Variants in GALNS observed in about 807,000 individuals in gnomAD.
GALNS encodes N-acetylgalactosamine-6-sulfatase.
Under a neutral mutation model 65.9 loss-of-function variants are expected in GALNS, and 65 were observed. That is an observed-to-expected ratio of 0.99 (90% CI 0.81 to 1.21). The LOEUF is 1.21. Ranked by LOEUF, GALNS falls within the 50% of genes most tolerant of loss-of-function variation. The pLI, the probability that GALNS is intolerant of heterozygous loss-of-function variation, is 0.00. For missense variants in GALNS, 776 were observed against 700.7 expected, an observed-to-expected ratio of 1.11 and a Z score of -1.21; for synonymous variants, 346 against 288.9, an observed-to-expected ratio of 1.20 and a Z score of -2.00.
At position 88,824,879 on chromosome 16, in the gene GALNS, G is replaced by C; in HGVS notation, c.1140-10C>G. The C allele has an allele frequency of 6.2e-7, 1 of 1,611,006 alleles. No homozygotes were observed. The highest frequency in any genetic ancestry group is 1.1e-5 in the South Asian group (1 of 91,038). On this transcript the variant is annotated splice_polypyrimidine_tract_variant and intron_variant, in intron 10 of 13. Coordinates refer to ENST00000268695, the MANE Select transcript of GALNS (RefSeq NM_000512.5). ...GTAATAGAAGATAGGCCTGTGGGAT[G>C]GGAGGGGAGGACCATGTAATGACAG...
intron 5 of GALNS, 104 bp from the exon 6 acceptor site, chr16:88,836,371 T>A (rs1454225331): frequency 1.0e-6 from 1 of 969,734 alleles, no homozygotes; most frequent in Non-Finnish European, 1.6e-6. Context: ...AAAAGAAGGC[T>A]AGGGCTGGGC....
At position 88,856,820 on chromosome 16, in the gene GALNS, C is replaced by T; in HGVS notation, c.58G>A (p.Ala20Thr). 1 of 1,530,558 alleles carries T rather than the reference C, an allele frequency of 6.5e-7. No homozygotes were observed. Among genetic ancestry groups the T allele is most frequent in the Non-Finnish European group, 8.7e-7 (1 of 1,148,644 alleles). 94.8% of individuals were successfully genotyped at this position (1,530,558 alleles called of 1,614,324 possible). A position where few individuals can be genotyped will look rare whatever the true frequency, so the allele number is the denominator to read the frequency against. Reference sequence around the variant, plus strand: ...GGGGCGCCCGAGGCCCCCATCCCCGCGGCGCTGAGCACCAGCAACAGCTGC... The same window carrying T: ...GGGGCGCCCGAGGCCCCCATCCCCGTGGCGCTGAGCACCAGCAACAGCTGC... ...WWQLLLVLSA[A>T]GMGASGAPQP... is the part of the protein sequence containing the mutation. Residue 20 changes from alanine (A) to threonine (T), a missense_variant, in exon 1 of 14, where the codon GCG (alanine) becomes ACG (threonine). Physicochemically the swap from Ala to Thr is moderately conservative, Grantham distance 58. Transcript: ENST00000268695.
chr16:88,841,081 C>T lies in GALNS; in HGVS notation c.333G>A (p.Gln111=), dbSNP rs773931717. Residue 111 remains glutamine, a synonymous_variant, in exon 4 of 14, where the codon CAG becomes CAA. Transcript: ENST00000268695. ...AGTCTGGGATGCCGCCCACAATCTC[C>T]TGCGGTGTGTAGGCTGGAAGAGCAG... is the stretch of plus-strand genomic sequence containing the variant. ...NAHARNAYTP[Q]EIVGGIPDSE... 6.2e-7 allele frequency: 1 copy of T among 1,613,162 alleles called. No homozygotes were observed. Among genetic ancestry groups the T allele is most frequent in the South Asian group, 1.1e-5 (1 of 91,088 alleles).
intron 1 of GALNS, among the ~76,000 whole-genome samples, chr16:88,848,997 C>A (rs1041686938): frequency 3.3e-5 from 5 of 152,348 alleles, no homozygotes; most frequent in African/African-American, 1.2e-4. Context: ...CTTGCCTCAG[C>A]CCCTCCTAAC....
At chr16:88,820,222 G>A (rs1402030390) in intron 12 of GALNS, among the ~76,000 whole-genome samples, 1 of 151,904 alleles carries the variant, frequency 6.6e-6, no homozygotes, top group Non-Finnish European at 1.5e-5. Context: ...TCCGCCTCCT[G>A]GGTTCAAGCA....
chr16:88,818,679 G>T (rs1251842901), intron 12 of GALNS, among the ~76,000 whole-genome samples: 1 of 152,226 alleles, frequency 6.6e-6, no homozygotes, highest in Admixed American at 6.5e-5. Flanking sequence ...TGTCAGGGCC[G>T]CAGTTTGCGA....
chr16:88,815,152 G>A, intron 13 of GALNS: 1 of 985,496 alleles, frequency 1.0e-6, no homozygotes, highest in Non-Finnish European at 1.2e-6. Context: ...AGGAATCATG[G>A]GAACTTGGGA....
Position 88,835,877 on chromosome 16 carries a change from C to CCAGCCT in GALNS, c.634-34_634-29dup, listed in dbSNP as rs769343967. The CCAGCCT allele has an allele frequency of 3.7e-6, 6 of 1,613,548 alleles. No individual in the cohort carries two copies. The South Asian group carries it at 6.6e-5, about 18-fold the overall frequency. ...ATGGAGAGAGCCACACCGTCGTCCTCCAGCCTCAGGCCGACCTCCTCATGC... is the reference window on the plus strand; with the variant it reads ...ATGGAGAGAGCCACACCGTCGTCCTCCAGCCTCAGCCTCAGGCCGACCTCCTCATGC... On this transcript the variant is annotated intron_variant, in intron 6 of 13. Coordinates refer to ENST00000268695, the MANE Select transcript of GALNS (RefSeq NM_000512.5).
intron 5 of GALNS, 133 bp from the exon 6 acceptor site, chr16:88,836,400 A>G: frequency 1.3e-6 from 1 of 770,716 alleles, no homozygotes; most frequent in Non-Finnish European, 2.2e-6. Context: ...TCATGCCTGT[A>G]ATCCCAGCAT....
rs1966948147 is a variant in GALNS, at chr16:88,841,112, G to A, written c.320-18C>T. ...TGTGTAGGCTGGAAGAGCAGCGCTG[G>A]GTGAGCCCCGAGGAGACCCCGAGAA... On this transcript the variant is annotated intron_variant, in intron 3 of 13. Transcript: ENST00000268695. The A allele has an allele frequency of 6.2e-7, 1 of 1,604,080 alleles. No homozygotes were observed. The highest frequency in any genetic ancestry group is 1.3e-5 in the African/African-American group (1 of 74,840).
chr16:88,842,390 C>T (rs1967017881), intron 2 of GALNS: 1 of 525,418 alleles, frequency 1.9e-6, no homozygotes, highest in African/African-American at 1.9e-5. Context: ...CTCCTGCTTC[C>T]CAGGTACCCT....
chr16:88,834,901 G>A (rs1358605066), intron 8 of GALNS, among the ~76,000 whole-genome samples: 1 of 152,200 alleles, frequency 6.6e-6, no homozygotes. Context: ...CGGCCCTGCT[G>A]TTTCCATGCG....
Position 88,826,895 on chromosome 16 carries a change from G to C in GALNS, c.1003-57C>G, listed in dbSNP as rs935832442. On this transcript the variant is annotated intron_variant, in intron 9 of 13. Transcript: ENST00000268695. ...ACTCTGCACCGACCCGATGGGGCTG[G>C]GGGCCAATCCCTGGGGGGGCGTGAG... The C allele has an allele frequency of 1.2e-5, 18 of 1,548,146 alleles. No individual in the cohort carries two copies. The African/African-American group carries it at 2.2e-4, about 19-fold the overall frequency.
At chr16:88,828,288 G>A (rs1178300302) in intron 9 of GALNS, among the ~76,000 whole-genome samples, 1 of 151,840 alleles carries the variant, frequency 6.6e-6, no homozygotes, top group African/African-American at 2.4e-5. Context: ...GCGGGCGGGC[G>A]GGAGTGGTGT....
At chr16:88,826,988 G>A (rs1039078798) in intron 9 of GALNS, 150 bp from the exon 10 acceptor site, 2 of 954,410 alleles carry the variant, frequency 2.1e-6, no homozygotes, top group African/African-American at 3.2e-5. Context: ...GACTGAGCGG[G>A]GTCACAAGGC....
intron 9 of GALNS, among the ~76,000 whole-genome samples, chr16:88,831,132 G>C (rs115496245): frequency 1.3e-5 from 2 of 152,172 alleles, no homozygotes; most frequent in South Asian, 4.1e-4. Flanking sequence ...AGTCCCCACC[G>C]AGAGCCTTCC....
intron 10 of GALNS, among the ~76,000 whole-genome samples, chr16:88,825,638 G>T (rs796871813): frequency 4.6e-5 from 7 of 152,088 alleles, no homozygotes; most frequent in African/African-American, 1.7e-4. Context: ...GGGTGCCTGG[G>T]CGTCCCCTCA....
intron 1 of GALNS, chr16:88,855,308 G>T: frequency 2.9e-6 from 2 of 700,186 alleles, no homozygotes. Context: ...ATCCAGCGAA[G>T]CTATGCTGGC....
chr16:88,835,353 C>G lies in GALNS; in HGVS notation c.759-1G>C. 1 of 1,613,592 alleles carries G rather than the reference C, an allele frequency of 6.2e-7. No individual in the cohort carries two copies. Among genetic ancestry groups the G allele is most frequent in the Non-Finnish European group, 8.5e-7 (1 of 1,179,826 alleles). On this transcript the variant is annotated splice_acceptor_variant, in intron 7 of 13. Transcript: ENST00000268695. LOFTEE classifies it high-confidence loss of function. ...AATCTCCCGGACGGCGTCTCCATAC[C>G]TGCAGGATGGTGACAAAAGGCATCT... is the stretch of plus-strand genomic sequence containing the variant.
Sources: allele counts gnomAD v4.1 joint callset (sites outside exome capture counted in the v4.1 genomes callset), GRCh38; gene constraint gnomAD v4.1.1; transcripts MANE v1.5; gene names NCBI Gene and HGNC (gene_info 2026-07-23, HGNC 2026-07-21).